NTM: variants seen among roughly 807,000 people sequenced by gnomAD.
NTM encodes the protein neurotrimin, also known as IgLON family member 2.
NTM carries 13 observed loss-of-function variants against 42.1 expected under a neutral mutation model. The ratio of observed to expected loss-of-function variants is 0.31; its 90% CI spans 0.20 to 0.49. The LOEUF (loss-of-function observed/expected upper bound fraction) is 0.49, where lower values mean the gene tolerates loss of function less well. Among genes scored for constraint, NTM ranks in the 20% least tolerant of loss-of-function variants. NTM has a pLI of 0.99. For missense variants in NTM, 373 were observed against 452.8 expected (o/e 0.82, Z 1.60); for synonymous variants, 187 against 179.2 (o/e 1.04, Z -0.35).
intron 1 of NTM, among the ~76,000 whole-genome samples, chr11:131,452,129 T>C (rs1476825888): frequency 6.6e-6 from 1 of 152,228 alleles, no homozygotes; most frequent in Non-Finnish European, 1.5e-5. Flanking sequence ...GGGGAGGGAT[T>C]GATGCTATTT....
intron 1 of NTM, among the ~76,000 whole-genome samples, chr11:131,830,760 A>T (rs1375584536): frequency 6.6e-6 from 1 of 152,192 alleles, no homozygotes; most frequent in Non-Finnish European, 1.5e-5. Flanking sequence ...TGTTTTGGAC[A>T]TTATGGCCAT....
At position 131,830,649 on chromosome 11, in the gene NTM, TG is replaced by T. The variant is rs1302653156; in HGVS notation, c.83-80912del. ...ATTGCTTAGGATTGCTTTGGCTATT[TG>T]GGCTCTTTTTTGGTTCCATGTGAAT... On this transcript the variant is annotated intron_variant, in intron 1 of 8. Transcript: ENST00000683400. Among the ~76,000 whole-genome samples, 4 of 152,322 alleles carry T rather than the reference TG, an allele frequency of 2.6e-5. No individual in the cohort carries two copies. The East Asian group carries it at 7.7e-4, about 29-fold the overall frequency.
chr11:132,206,363 G>A lies in NTM; in HGVS notation c.401-5659G>A, dbSNP rs114619191. Among the ~76,000 whole-genome samples the A allele has an allele frequency of 4.6e-3, 699 of 152,202 alleles. 6 individuals carry two copies. The highest frequency in any genetic ancestry group is 0.016 in the African/African-American group (678 of 41,520). ...TTGTATCCCATTTTTCATTGATTCT[G>A]TCAAAATTTATGGACTGTCCATTCT... On this transcript the variant is annotated intron_variant, in intron 3 of 8. Coordinates refer to ENST00000683400, the MANE Select transcript of NTM (RefSeq NM_001352005.2).
chr11:131,532,480 G>C (rs1475353771), intron 1 of NTM, among the ~76,000 whole-genome samples: 1 of 152,190 alleles, frequency 6.6e-6, no homozygotes, highest in Non-Finnish European at 1.5e-5. Flanking sequence ...CATAGACACT[G>C]GGTTGTTTCC....
intron 1 of NTM, among the ~76,000 whole-genome samples, chr11:131,503,674 C>A (rs900809897): frequency 1.4e-5 from 2 of 145,776 alleles, no homozygotes; most frequent in Non-Finnish European, 3.0e-5. Context: ...AGGCACACTC[C>A]ACTATGCCTG....
chr11:131,459,910 G>A (rs1478810847), intron 1 of NTM, among the ~76,000 whole-genome samples: 1 of 152,154 alleles, frequency 6.6e-6, no homozygotes, highest in Non-Finnish European at 1.5e-5. Context: ...ATGTTGACAA[G>A]CTTAGGAAGT....
intron 1 of NTM, among the ~76,000 whole-genome samples, chr11:131,789,955 CAAAAAAAAAAAA>C (rs36050979): frequency 4.9e-5 from 1 of 20,314 alleles, no homozygotes; most frequent in African/African-American, 1.1e-4. Flanking sequence ...GACTCCGTCT[CAAAAAAAAAAAA>C]AAAAAAAAAA....
chr11:131,587,005 C>A (rs998486534), intron 1 of NTM, among the ~76,000 whole-genome samples: 1 of 152,008 alleles, frequency 6.6e-6, no homozygotes, highest in African/African-American at 2.4e-5. Context: ...GGCTACGGAG[C>A]AAGCAGAAGT....
chr11:131,757,703 A>T (rs1407381043), intron 1 of NTM, among the ~76,000 whole-genome samples: 1 of 152,154 alleles, frequency 6.6e-6, no homozygotes, highest in Non-Finnish European at 1.5e-5. Flanking sequence ...TATTATTATT[A>T]TGTTTGTTTT....
At chr11:131,898,555 A>G (rs1005151082) in intron 1 of NTM, among the ~76,000 whole-genome samples, 1 of 152,194 alleles carries the variant, frequency 6.6e-6, no homozygotes, top group African/African-American at 2.4e-5. Context: ...TCTAACATTC[A>G]TCTCTTCCAG....
intron 1 of NTM, among the ~76,000 whole-genome samples, chr11:131,447,868 G>A (rs534735299): frequency 2.0e-5 from 3 of 152,318 alleles, no homozygotes; most frequent in Admixed American, 6.5e-5. Context: ...CCGCAGATGA[G>A]GGCTCCCGTT....
chr11:132,132,691 G>A (rs1364639823), intron 2 of NTM, among the ~76,000 whole-genome samples: 1 of 152,150 alleles, frequency 6.6e-6, no homozygotes, highest in Non-Finnish European at 1.5e-5. Context: ...GGGTGGGGTA[G>A]AGACCATTTT....
intron 1 of NTM, among the ~76,000 whole-genome samples, chr11:131,698,355 C>T (rs991773331): frequency 6.6e-6 from 1 of 152,102 alleles, no homozygotes; most frequent in African/African-American, 2.4e-5. Flanking sequence ...TTGGAGAATT[C>T]CCTTGTTCTC....
At chr11:131,518,504 A>G (rs1372334697) in intron 1 of NTM, among the ~76,000 whole-genome samples, 1 of 152,192 alleles carries the variant, frequency 6.6e-6, no homozygotes, top group Non-Finnish European at 1.5e-5. Context: ...AGCCCAGTTA[A>G]CCCATTGAAC....
rs1221833137 is a variant in NTM at position 132,170,247 on chromosome 11, A to G, written c.400+23733A>G. Among the ~76,000 whole-genome samples, 3 of 152,236 alleles carry G rather than the reference A, an allele frequency of 2.0e-5. No individual in the cohort carries two copies. In the East Asian group the frequency reaches 5.8e-4, roughly 29 times the overall value. On this transcript the variant is annotated intron_variant, in intron 3 of 8. Coordinates refer to ENST00000683400, the MANE Select transcript of NTM (RefSeq NM_001352005.2). ...CAATAACCATAGGCCTCTAAAGAAT[A>G]ATACATGTTCTCTTTAAGGTCATGG...
chr11:131,421,928 G>A (rs1276101117), intron 1 of NTM, among the ~76,000 whole-genome samples: 1 of 152,150 alleles, frequency 6.6e-6, no homozygotes, highest in Non-Finnish European at 1.5e-5. Flanking sequence ...ATTATTGGGG[G>A]ATTTACATGC....
intron 1 of NTM, among the ~76,000 whole-genome samples, chr11:131,609,001 C>T (rs1379228205): frequency 1.3e-5 from 2 of 152,136 alleles, no homozygotes; most frequent in African/African-American, 2.4e-5. Context: ...TCTTAAACAC[C>T]AGGGGAGCTC....
chr11:131,653,685 C>T lies in NTM; in HGVS notation c.83-257879C>T, dbSNP rs150738005. On this transcript the variant is annotated intron_variant, in intron 1 of 8. Coordinates refer to ENST00000683400, the MANE Select transcript of NTM (RefSeq NM_001352005.2). ...GAGCTGAGAGTGTAGGGCACCCCTG[C>T]GTGTGGGGTCCTGGTGGAGCTTCCA... Among the ~76,000 whole-genome samples, 445 of 152,296 alleles carry T rather than the reference C, an allele frequency of 2.9e-3. 4 individuals are homozygous for T. Among genetic ancestry groups the T allele is most frequent in the African/African-American group, 0.01 (422 of 41,564 alleles).
At chr11:131,423,278 A>G (rs867724560) in intron 1 of NTM, among the ~76,000 whole-genome samples, 2 of 152,318 alleles carry the variant, frequency 1.3e-5, no homozygotes, top group Middle Eastern at 3.4e-3. Flanking sequence ...GGAAAATTAA[A>G]CAAGTTGCCT....
Sources: allele counts gnomAD v4.1 joint callset (sites outside exome capture counted in the v4.1 genomes callset), GRCh38; gene constraint gnomAD v4.1.1; transcripts MANE v1.5; gene names NCBI Gene and HGNC (gene_info 2026-07-23, HGNC 2026-07-21).